Variants in GNAL observed in about 807,000 individuals in gnomAD.
GNAL encodes G protein subunit alpha L.
A neutral mutation model predicts 55.1 loss-of-function variants in GNAL; 18 were observed. The observed-to-expected ratio is 0.33, with a 90% CI of 0.23 to 0.48. The LOEUF (loss-of-function observed/expected upper bound fraction) is 0.48, where lower values mean the gene tolerates loss of function less well. Ranked by LOEUF, GNAL falls within the 20% of genes least tolerant of loss-of-function variation. The pLI, the probability that GNAL is intolerant of heterozygous loss-of-function variation, is 0.99. For missense variants in GNAL, 412 were observed against 614.1 expected (o/e 0.67, Z 3.48); for synonymous variants, 253 against 237.0 (o/e 1.07, Z -0.62).
rs149502185 is a variant in GNAL, at chr18:11,884,436, G to A, written c.*3301G>A. ...CTTGGGCTTTGATATTTATAATGGC[G>A]CCTGCTCTTCATCTTGTCTTACGCT... On this transcript the variant is annotated 3_prime_UTR_variant, in exon 12 of 12. Transcript: ENST00000334049. The A allele has an allele frequency of 2.2e-4, 358 of 1,611,818 alleles. No homozygotes were observed. The highest frequency in any genetic ancestry group is 8.9e-4 in the East Asian group (40 of 44,808).
chr18:11,885,249 G>T lies in GNAL; in HGVS notation c.*4114G>T. ...TGGCTGAAAGGAGTTAAAACGCCCA[G>T]TGGTCATTAAGTGAAACATCTTTTA... is the stretch of plus-strand genomic sequence containing the variant. On this transcript the variant is annotated 3_prime_UTR_variant, in exon 12 of 12. Transcript: ENST00000334049. The T allele has an allele frequency of 3.7e-6, 1 of 271,626 alleles. No homozygotes were observed. Among genetic ancestry groups the T allele is most frequent in the Non-Finnish European group, 7.0e-6 (1 of 142,492 alleles). The allele number at this position is 271,626 out of a possible 1,614,324, so 16.8% of individuals were successfully genotyped here. A position where few individuals can be genotyped will look rare whatever the true frequency, so the allele number is the denominator to read the frequency against.
rs1171203009 is a variant in GNAL at position 11,881,731 on chromosome 18, A to G, written c.*596A>G. 2.0e-5 allele frequency: 3 copies of G among 152,640 alleles called. No homozygotes were observed. The highest frequency in any genetic ancestry group is 4.4e-5 in the Non-Finnish European group (3 of 68,096). The allele number at this position is 152,640 out of a possible 1,614,324, so 9.5% of individuals were successfully genotyped here. ...GCCTCTTAGGCAGAAAACCTACCAC[A>G]TTCACTACTGCAAAATGTGTCCTGT... On this transcript the variant is annotated 3_prime_UTR_variant, in exon 12 of 12. Transcript: ENST00000334049. The surrounding 1 kb of genome is among the most constrained non-coding windows in gnomAD (Gnocchi z 4.8).
intron 4 of GNAL, among the ~76,000 whole-genome samples, chr18:11,782,271 G>A (rs969024979): frequency 1.1e-4 from 16 of 152,046 alleles, no homozygotes; most frequent in African/African-American, 3.9e-4. Context: ...GAGCCAAGAT[G>A]GCACCATTGC....
At chr18:11,862,346 G>A (rs778351683) in intron 5 of GNAL, 49 bp from the exon 6 acceptor site, 1 of 1,485,244 alleles carries the variant, frequency 6.7e-7, no homozygotes, top group Admixed American at 1.7e-5. Context: ...CAACCCCAGG[G>A]GAAAGTGGGC....
At position 11,751,516 on chromosome 18, in the gene GNAL, T is replaced by C. The variant is rs2032824990; in HGVS notation, c.377-1337T>C. ...ACAAAGGCGGTGTGACTGGTGAGCC[T>C]CGGAGGGATCCTCCTCCCTGCTAGA... On this transcript the variant is annotated intron_variant, in intron 1 of 11. Coordinates refer to ENST00000334049, the MANE Select transcript of GNAL (RefSeq NM_182978.4). The surrounding 1 kb of genome is among the most constrained non-coding windows in gnomAD (Gnocchi z 4.5). The C allele has an allele frequency of 1.0e-6, 1 of 985,364 alleles. No homozygotes were observed. The highest frequency in any genetic ancestry group is 1.2e-6 in the Non-Finnish European group (1 of 829,984). 61.0% of individuals were successfully genotyped at this position (985,364 alleles called of 1,614,324 possible). A position where few individuals can be genotyped will look rare whatever the true frequency, so the allele number is the denominator to read the frequency against.
intron 5 of GNAL, among the ~76,000 whole-genome samples, chr18:11,843,380 C>A (rs947414623): frequency 6.6e-6 from 1 of 151,990 alleles, no homozygotes; most frequent in Admixed American, 6.6e-5. Flanking sequence ...CAAAAATTAG[C>A]GGAGAGTGGT....
rs1598428166 is a variant in GNAL, at chr18:11,751,518, G to A, written c.377-1335G>A. The A allele has an allele frequency of 1.0e-6, 1 of 985,518 alleles. No homozygotes were observed. The highest frequency in any genetic ancestry group is 1.2e-6 in the Non-Finnish European group (1 of 829,980). The allele number at this position is 985,518 out of a possible 1,614,324, so 61.0% of individuals were successfully genotyped here. On this transcript the variant is annotated intron_variant, in intron 1 of 11. Coordinates refer to ENST00000334049, the MANE Select transcript of GNAL (RefSeq NM_182978.4). This position sits in a 1 kb window ranked among gnomAD's most constrained non-coding sequence, Gnocchi z 4.5. ...AAAGGCGGTGTGACTGGTGAGCCTC[G>A]GAGGGATCCTCCTCCCTGCTAGAAT... is the stretch of plus-strand genomic sequence containing the variant.
intron 4 of GNAL, among the ~76,000 whole-genome samples, chr18:11,798,443 GAC>G (rs938807201): frequency 1.3e-5 from 2 of 152,222 alleles, no homozygotes; most frequent in African/African-American, 2.4e-5. Flanking sequence ...GCAGTGACAA[GAC>G]ACAGAGTAGC....
intron 5 of GNAL, among the ~76,000 whole-genome samples, chr18:11,832,003 A>C (rs2035394025): frequency 6.6e-6 from 1 of 152,254 alleles, no homozygotes; most frequent in Non-Finnish European, 1.5e-5. Context: ...GCAAATTACC[A>C]GAGATTATAT....
At chr18:11,869,146 ATTTTTTT>A (rs140692849) in intron 9 of GNAL, among the ~76,000 whole-genome samples, 2 of 149,816 alleles carry the variant, frequency 1.3e-5, no homozygotes, top group East Asian at 3.9e-4. Flanking sequence ...TTTTTTTATT[ATTTTTTT>A]TTTATTTTGA....
At chr18:11,831,658 C>A (rs1477823828) in intron 5 of GNAL, among the ~76,000 whole-genome samples, 1 of 152,244 alleles carries the variant, frequency 6.6e-6, no homozygotes. Flanking sequence ...TTTGCCATCC[C>A]TGTTTACTCC....
intron 1 of GNAL, among the ~76,000 whole-genome samples, chr18:11,693,275 G>C (rs1258087784): frequency 6.6e-6 from 1 of 152,182 alleles, no homozygotes; most frequent in Non-Finnish European, 1.5e-5. Context: ...TAAAGAGTCA[G>C]CTTCTTGTAA....
chr18:11,795,936 A>T (rs931945184), intron 4 of GNAL, among the ~76,000 whole-genome samples: 2 of 152,188 alleles, frequency 1.3e-5, no homozygotes, highest in Non-Finnish European at 2.9e-5. Context: ...GCTCCAGGTG[A>T]TTGGGGATAG....
At chr18:11,718,656 C>G (rs1018321145) in intron 1 of GNAL, among the ~76,000 whole-genome samples, 4 of 152,156 alleles carry the variant, frequency 2.6e-5, no homozygotes, top group Non-Finnish European at 5.9e-5. Flanking sequence ...CAAGCATCTT[C>G]TAGCTAAGGT....
Position 11,793,783 on chromosome 18 carries a change from C to G in GNAL, c.625-31135C>G, listed in dbSNP as rs527488900. On this transcript the variant is annotated intron_variant, in intron 4 of 11. Transcript: ENST00000334049. ...TACTAAAAATAAAAAATTAGCTGGG[C>G]GTGGTGGCACGTGCCTGTGATCCCA... Among the ~76,000 whole-genome samples, 22 of 151,506 alleles carry G rather than the reference C, an allele frequency of 1.5e-4. No individual in the cohort carries two copies. In the East Asian group the frequency reaches 3.5e-3, roughly 24 times the overall value.
At chr18:11,855,248 T>G (rs1447750638) in intron 5 of GNAL, among the ~76,000 whole-genome samples, 2 of 152,154 alleles carry the variant, frequency 1.3e-5, no homozygotes, top group East Asian at 3.8e-4. Flanking sequence ...TCCCCTGGCT[T>G]CTTCACTGTA....
intron 1 of GNAL, among the ~76,000 whole-genome samples, chr18:11,742,604 C>A (rs2032601862): frequency 6.6e-6 from 1 of 152,262 alleles, no homozygotes; most frequent in African/African-American, 2.4e-5. Context: ...CTCACCCGAC[C>A]TCTGAGACTG....
Position 11,751,591 on chromosome 18 carries a change from C to T in GNAL, c.377-1262C>T. 1 of 985,510 alleles carries T rather than the reference C, an allele frequency of 1.0e-6. No homozygotes were observed. Among genetic ancestry groups the T allele is most frequent in the Non-Finnish European group, 1.2e-6 (1 of 829,980 alleles). 61.0% of individuals were successfully genotyped at this position (985,510 alleles called of 1,614,324 possible). ...TCGCCCGCCAGGAGCAGGGACGCGT[C>T]CGAGCCAACACGGGGCGCGCGCCCA... is the stretch of plus-strand genomic sequence containing the variant. On this transcript the variant is annotated intron_variant, in intron 1 of 11. Transcript: ENST00000334049. The surrounding 1 kb of genome is among the most constrained non-coding windows in gnomAD (Gnocchi z 4.5).
intron 5 of GNAL, among the ~76,000 whole-genome samples, chr18:11,848,340 C>T (rs1283600061): frequency 6.6e-6 from 1 of 152,158 alleles, no homozygotes; most frequent in Non-Finnish European, 1.5e-5. Context: ...AAGATGGCTT[C>T]TGGAACTCCA....
Sources: allele counts gnomAD v4.1 joint callset (sites outside exome capture counted in the v4.1 genomes callset), GRCh38; gene constraint gnomAD v4.1.1; non-coding constraint Gnocchi (gnomAD v3.1); transcripts MANE v1.5; gene names NCBI Gene and HGNC (gene_info 2026-07-23, HGNC 2026-07-21).